CCDC42: variants seen among roughly 807,000 people sequenced by gnomAD.
CCDC42 encodes coiled-coil domain-containing protein 42.
CCDC42 carries 38 observed loss-of-function variants against 40.8 expected under a neutral mutation model. The ratio of observed to expected loss-of-function variants is 0.93; its 90% CI spans 0.72 to 1.22. The LOEUF (loss-of-function observed/expected upper bound fraction) is 1.22. CCDC42 is among the 50% of genes most tolerant of loss of function. CCDC42 has a pLI of 0.00. For synonymous variants in CCDC42, 135 were observed against 157.5 expected, an observed-to-expected ratio of 0.86 and a Z score of 1.07; for missense variants, 379 against 416.5, an observed-to-expected ratio of 0.91 and a Z score of 0.78.
chr17:8,738,590 G>A (rs1381390788), intron 4 of CCDC42, among the ~76,000 whole-genome samples: 1 of 151,092 alleles, frequency 6.6e-6, no homozygotes, highest in South Asian at 2.1e-4. Context: ...CTCAGCCTCC[G>A]GAGTAGCTGA....
rs2086601631 is a variant in CCDC42, at chr17:8,735,084, CCCT to C, written c.873+9_873+11del. On this transcript the variant is annotated intron_variant, in intron 6 of 6. Transcript: ENST00000293845. The surrounding 1 kb of genome is among the most constrained non-coding windows in gnomAD (Gnocchi z 4.7). ...CGACCCCACGGGCCCAGTGCCTGTC[CCCT>C]CCTCCTACCATGTCCAGCTGCTTGT... is the stretch of plus-strand genomic sequence containing the variant. 5 of 1,613,912 alleles carry C rather than the reference CCCT, an allele frequency of 3.1e-6. No individual in the cohort carries two copies. The highest frequency in any genetic ancestry group is 2.7e-5 in the African/African-American group (2 of 74,918).
At chr17:8,742,335 T>C (rs2086650469) in intron 3 of CCDC42, among the ~76,000 whole-genome samples, 1 of 152,154 alleles carries the variant, frequency 6.6e-6, no homozygotes, top group East Asian at 1.9e-4. Flanking sequence ...GAGATGTGCC[T>C]GGTGCCATAG....
In CCDC42 at chr17:8,735,018, C is replaced by A; in HGVS notation, c.873+78G>T. 2 of 1,499,732 alleles carry A rather than the reference C, an allele frequency of 1.3e-6. No homozygotes were observed. Among genetic ancestry groups the A allele is most frequent in the South Asian group, 1.2e-5 (1 of 85,546 alleles). 92.9% of individuals were successfully genotyped at this position (1,499,732 alleles called of 1,614,324 possible). A position where few individuals can be genotyped will look rare whatever the true frequency, so the allele number is the denominator to read the frequency against. On this transcript the variant is annotated intron_variant, in intron 6 of 6. Transcript: ENST00000293845. The surrounding 1 kb of genome is among the most constrained non-coding windows in gnomAD (Gnocchi z 4.7). ...CCCTGCTCTGCTTCTCTGTCAGGTT[C>A]ATTCTTCCACCCAACCAACTGGCAA... is the stretch of plus-strand genomic sequence containing the variant.
chr17:8,735,749 G>C lies in CCDC42; in HGVS notation c.493-138C>G, dbSNP rs1157030280. 1.5e-6 allele frequency: 1 copy of C among 663,440 alleles called. No homozygotes were observed. Among genetic ancestry groups the C allele is most frequent in the Non-Finnish European group, 2.6e-6 (1 of 391,828 alleles). 41.1% of individuals were successfully genotyped at this position (663,440 alleles called of 1,614,324 possible). ...AGGCCCTTGGCCAGGGTCACGGCCAGAGGCTGTGAGGGACACTGGGGTTCC... is the reference window on the plus strand; with the variant it reads ...AGGCCCTTGGCCAGGGTCACGGCCACAGGCTGTGAGGGACACTGGGGTTCC... On this transcript the variant is annotated intron_variant, in intron 4 of 6. Transcript: ENST00000293845. This position sits in a 1 kb window ranked among gnomAD's most constrained non-coding sequence, Gnocchi z 4.7.
intron 4 of CCDC42, among the ~76,000 whole-genome samples, chr17:8,741,189 C>T (rs1043489636): frequency 6.6e-6 from 1 of 152,194 alleles, no homozygotes; most frequent in Non-Finnish European, 1.5e-5. Context: ...GATACATACA[C>T]AGTTGTGGCT....
chr17:8,743,657 G>A lies in CCDC42; in HGVS notation c.263C>T (p.Ala88Val). The A allele has an allele frequency of 6.2e-7, 1 of 1,612,346 alleles. No individual in the cohort carries two copies. The highest frequency in any genetic ancestry group is 8.5e-7 in the Non-Finnish European group (1 of 1,178,408). Reference protein sequence around the residue: ...ELGVKEAQLKAHIQKSEQFIQ... With the variant: ...ELGVKEAQLKVHIQKSEQFIQ... ...GAACTGCTCAGACTTCTGGATGTGA[G>A]CCTTCAGTTGGGCTTCCTTAACGCC... The change falls in exon 3 of 7, where the codon GCT (alanine) becomes GTT (valine). Residue 88 changes from alanine to valine, a missense_variant. Transcript: ENST00000293845.
intron 4 of CCDC42, among the ~76,000 whole-genome samples, chr17:8,740,719 C>A (rs1339277119): frequency 6.6e-6 from 1 of 152,100 alleles, no homozygotes; most frequent in Non-Finnish European, 1.5e-5. Context: ...CAAGAAGTTC[C>A]CTGGGCTCCG....
chr17:8,735,649 C>T lies in CCDC42; in HGVS notation c.493-38G>A. Reference sequence around the variant, plus strand: ...GCTCAGGTCAATGCACAGCCAGCCCCTGGGGCCTGAGGGAGCCACCCAGTC... The same window carrying T: ...GCTCAGGTCAATGCACAGCCAGCCCTTGGGGCCTGAGGGAGCCACCCAGTC... On this transcript the variant is annotated intron_variant, in intron 4 of 6. Coordinates refer to ENST00000293845, the MANE Select transcript of CCDC42 (RefSeq NM_144681.3). This position sits in a 1 kb window ranked among gnomAD's most constrained non-coding sequence, Gnocchi z 4.7. 2 of 1,577,142 alleles carry T rather than the reference C, an allele frequency of 1.3e-6. No homozygotes were observed. The highest frequency in any genetic ancestry group is 2.3e-5 in the South Asian group (2 of 88,004).
intron 1 of CCDC42, 72 bp from the exon 2 acceptor site, chr17:8,744,256 G>A (rs2086664152): frequency 8.7e-7 from 1 of 1,153,696 alleles, no homozygotes; most frequent in Non-Finnish European, 1.3e-6. Flanking sequence ...AGTAACCCGT[G>A]GAGACAGATA....
At position 8,732,097 on chromosome 17, in the gene CCDC42, G is replaced by A. The variant is rs541848318; in HGVS notation, c.874-1890C>T. 3.4e-4 allele frequency among the ~76,000 whole-genome samples: 52 copies of A among 152,106 alleles called. 1 individual carries two copies. Among genetic ancestry groups the A allele is most frequent in the African/African-American group, 1.1e-3 (47 of 41,534 alleles). On this transcript the variant is annotated intron_variant, in intron 6 of 6. Coordinates refer to ENST00000293845, the MANE Select transcript of CCDC42 (RefSeq NM_144681.3). ...GGGCGGATCACGAGGTCAGGAGATC[G>A]AGACCACCCTGGCTAACACGGTGAA...
chr17:8,741,336 G>T, intron 4 of CCDC42, 138 bp downstream of exon 4: 2 of 846,890 alleles, frequency 2.4e-6, no homozygotes, highest in Non-Finnish European at 3.8e-6. Context: ...TGCCCATCCT[G>T]CAGAGCTCCT....
Position 8,744,678 on chromosome 17 carries a change from G to A in CCDC42, c.-69C>T. Reference sequence around the variant, plus strand: ...GAAATTGTGGGTAGCAGAGCCACAGGTGGCTCAGGGGTGGTGGCTGCACTC... The same window carrying A: ...GAAATTGTGGGTAGCAGAGCCACAGATGGCTCAGGGGTGGTGGCTGCACTC... On this transcript the variant is annotated 5_prime_UTR_variant, in exon 1 of 7. Coordinates refer to ENST00000293845, the MANE Select transcript of CCDC42 (RefSeq NM_144681.3). The A allele has an allele frequency of 8.8e-7, 1 of 1,139,212 alleles. No individual in the cohort carries two copies. Among genetic ancestry groups the A allele is most frequent in the East Asian group, 2.4e-5 (1 of 42,460 alleles). The allele number at this position is 1,139,212 out of a possible 1,614,324, so 70.6% of individuals were successfully genotyped here. A position where few individuals can be genotyped will look rare whatever the true frequency, so the allele number is the denominator to read the frequency against.
In CCDC42 at chr17:8,735,124, A is replaced by C. The variant is rs770877569; in HGVS notation, c.845T>G (p.Leu282Arg). ...GTCCAGCTGCTTGTGGGTGTCCTCC[A>C]GTGCCACCTCAGTCACCTCCTTCAG... The part of the protein sequence containing the change: ...KHLKEVTEVA[L>R]EDTHKQLDMI... Residue 282 changes from leucine (L) to arginine (R), a missense_variant, in exon 6 of 7, where the codon CTG (leucine) becomes CGG (arginine). Leu to Arg is a moderately radical substitution (Grantham distance 102). Coordinates refer to ENST00000293845, the MANE Select transcript of CCDC42 (RefSeq NM_144681.3). This position sits in a 1 kb window ranked among gnomAD's most constrained non-coding sequence, Gnocchi z 4.7. 2 of 1,614,094 alleles carry C rather than the reference A, an allele frequency of 1.2e-6. No individual in the cohort carries two copies. Among genetic ancestry groups the C allele is most frequent in the Admixed American group, 1.7e-5 (1 of 60,012 alleles).
At position 8,735,645 on chromosome 17, in the gene CCDC42, GC is replaced by G; in HGVS notation, c.493-35del. The G allele has an allele frequency of 6.3e-7, 1 of 1,577,438 alleles. No homozygotes were observed. Among genetic ancestry groups the G allele is most frequent in the Non-Finnish European group, 8.7e-7 (1 of 1,155,282 alleles). ...AGGGGCTCAGGTCAATGCACAGCCAGCCCCTGGGGCCTGAGGGAGCCACCCA... is the reference window on the plus strand; with the variant it reads ...AGGGGCTCAGGTCAATGCACAGCCAGCCCTGGGGCCTGAGGGAGCCACCCA... On this transcript the variant is annotated intron_variant, in intron 4 of 6. Transcript: ENST00000293845. This position sits in a 1 kb window ranked among gnomAD's most constrained non-coding sequence, Gnocchi z 4.7.
At position 8,735,583 on chromosome 17, in the gene CCDC42, C is replaced by T. The variant is rs139469533; in HGVS notation, c.521G>A (p.Arg174His). The T allele has an allele frequency of 1.2e-5, 20 of 1,613,948 alleles. No individual in the cohort carries two copies. The highest frequency in any genetic ancestry group is 9.9e-5 in the South Asian group (9 of 91,088). The change falls in exon 5 of 7, where the codon CGC becomes CAC. Residue 174 changes from arginine to histidine, a missense_variant. Coordinates refer to ENST00000293845, the MANE Select transcript of CCDC42 (RefSeq NM_144681.3). The surrounding 1 kb of genome is among the most constrained non-coding windows in gnomAD (Gnocchi z 4.7). ...EFEEIHEVIARYKTLVSMRHD... is the reference protein window; with the variant it reads ...EFEEIHEVIAHYKTLVSMRHD... The stretch of plus-strand genomic sequence containing the variant: ...GCGCATGCTCACCAGCGTCTTGTAG[C>T]GTGCAATCACCTCATGGATCTCCTC...
At chr17:8,731,499 C>A (rs1279499509) in intron 6 of CCDC42, among the ~76,000 whole-genome samples, 2 of 152,186 alleles carry the variant, frequency 1.3e-5, no homozygotes, top group Admixed American at 6.5e-5. Flanking sequence ...GAGAATCAAC[C>A]TAAATGCCCA....
rs1446034765 is a variant in CCDC42 at position 8,743,511 on chromosome 17, G to A, written c.294+115C>T. The A allele has an allele frequency of 1.3e-5, 9 of 719,640 alleles. No homozygotes were observed. In the East Asian group the frequency reaches 2.3e-4, roughly 18 times the overall value. The allele number at this position is 719,640 out of a possible 1,614,324, so 44.6% of individuals were successfully genotyped here. ...ATGCCAGGCAATGTTGGAGCACTAA[G>A]GATGCTTTTTAACTCAGGGCGAGGA... On this transcript the variant is annotated intron_variant, in intron 3 of 6. Coordinates refer to ENST00000293845, the MANE Select transcript of CCDC42 (RefSeq NM_144681.3).
At chr17:8,730,928 G>A (rs1028100037) in intron 6 of CCDC42, among the ~76,000 whole-genome samples, 21 of 152,160 alleles carry the variant, frequency 1.4e-4, no homozygotes, top group Non-Finnish European at 2.9e-4. Flanking sequence ...TCGTGCATTC[G>A]AAACCCAGAG....
chr17:8,744,395 A>C, intron 1 of CCDC42, 132 bp downstream of exon 1: 1 of 801,052 alleles, frequency 1.2e-6, no homozygotes, highest in South Asian at 1.5e-5. Flanking sequence ...GATGAGGTGG[A>C]CTGGTGCCAA....
Sources: allele counts gnomAD v4.1 joint callset (sites outside exome capture counted in the v4.1 genomes callset), GRCh38; gene constraint gnomAD v4.1.1; non-coding constraint Gnocchi (gnomAD v3.1); transcripts MANE v1.5; gene names NCBI Gene and HGNC (gene_info 2026-07-23, HGNC 2026-07-21).